SATB2: variants seen among roughly 807,000 people sequenced by gnomAD.
SATB2 encodes SATB homeobox 2, also known as DNA-binding protein SATB2.
SATB2 carries 1 observed loss-of-function variant against 73.4 expected under a neutral mutation model. That is an observed-to-expected ratio of 0.01 (90% CI 0.00 to 0.06). The LOEUF is 0.06. Among genes scored for constraint, SATB2 ranks in the 10% least tolerant of loss-of-function variants. The pLI is 1.00. For synonymous variants in SATB2, 397 were observed against 367.0 expected, an observed-to-expected ratio of 1.08 and a Z score of -0.93; for missense variants, 459 against 945.8, an observed-to-expected ratio of 0.49 and a Z score of 6.75.
chr2:199,414,035 T>G (rs1001357803), intron 3 of SATB2, among the ~76,000 whole-genome samples: 1 of 152,188 alleles, frequency 6.6e-6, no homozygotes, highest in Admixed American at 6.5e-5. Context: ...TCAAACCCTT[T>G]CAGTGGTGGT....
rs1553496383 is a variant in SATB2, at chr2:199,381,729, G to T, written c.438C>A (p.Val146=). 1 of 1,614,094 alleles carries T rather than the reference G, an allele frequency of 6.2e-7. No individual in the cohort carries two copies. Among genetic ancestry groups the T allele is most frequent in the Non-Finnish European group, 8.5e-7 (1 of 1,179,938 alleles). The change falls in exon 4 of 11, where the codon GTC becomes GTA. Residue 146 remains valine (V), a synonymous_variant. Coordinates refer to ENST00000417098, the MANE Select transcript of SATB2 (RefSeq NM_001172509.2). ...GGATTTTCAACGTCACAACATGATA[G>T]ACATCTTGTAGCATGTCGGCCACTG... The part of the protein sequence containing the change: ...DATVADMLQD[V]YHVVTLKIQL...
At chr2:199,312,496 G>A (rs1008002301) in intron 9 of SATB2, among the ~76,000 whole-genome samples, 1 of 152,174 alleles carries the variant, frequency 6.6e-6, no homozygotes, top group Non-Finnish European at 1.5e-5. Context: ...GGATCTCTAA[G>A]ACCTAACTGC....
intron 7 of SATB2, among the ~76,000 whole-genome samples, chr2:199,343,912 A>G (rs778284072): frequency 5.9e-5 from 9 of 152,192 alleles, no homozygotes; most frequent in Non-Finnish European, 1.0e-4. Context: ...TTGGCACTTG[A>G]AAGATGGCAA....
At chr2:199,343,113 T>TACAC (rs60947005) in intron 7 of SATB2, among the ~76,000 whole-genome samples, 11 of 151,232 alleles carry the variant, frequency 7.3e-5, no homozygotes, top group African/African-American at 2.7e-4. Flanking sequence ...TTTTATTTTA[T>TACAC]ACACACACAC....
intron 5 of SATB2, among the ~76,000 whole-genome samples, chr2:199,374,524 T>TCA (rs1444393773): frequency 6.6e-6 from 1 of 152,210 alleles, no homozygotes; most frequent in Admixed American, 6.5e-5. Context: ...TTAATGCTAC[T>TCA]CAGTTGTAAG....
In SATB2 at chr2:199,438,313, T is replaced by C. The variant is rs562078389; in HGVS notation, c.170-4799A>G. ...TGCCTAATAACAATATATAATTTTT[T>C]CTCACACAGGATACATTTATCACAA... On this transcript the variant is annotated intron_variant, in intron 2 of 10. Transcript: ENST00000417098. Among the ~76,000 whole-genome samples, 409 of 152,318 alleles carry C rather than the reference T, an allele frequency of 2.7e-3. 1 individual carries two copies. The highest frequency in any genetic ancestry group is 4.3e-3 in the Non-Finnish European group (293 of 68,034).
intron 10 of SATB2, among the ~76,000 whole-genome samples, chr2:199,305,346 G>A (rs1687400094): frequency 6.6e-6 from 1 of 151,994 alleles, no homozygotes; most frequent in South Asian, 2.1e-4. Flanking sequence ...GGGGCCGATA[G>A]GGGGGTAAAA....
intron 3 of SATB2, among the ~76,000 whole-genome samples, chr2:199,430,933 T>C (rs1019566067): frequency 6.6e-6 from 1 of 152,194 alleles, no homozygotes; most frequent in African/African-American, 2.4e-5. Flanking sequence ...ATTTTTAAGA[T>C]GGCTAAAGCA....
At chr2:199,366,944 G>A (rs184392738) in intron 6 of SATB2, among the ~76,000 whole-genome samples, 4 of 151,928 alleles carry the variant, frequency 2.6e-5, no homozygotes, top group Admixed American at 2.6e-4. Flanking sequence ...ACATTCTGTA[G>A]TGGCAATTCT....
intron 7 of SATB2, among the ~76,000 whole-genome samples, chr2:199,330,593 C>A (rs916217678): frequency 6.6e-6 from 1 of 152,120 alleles, no homozygotes; most frequent in Non-Finnish European, 1.5e-5. Context: ...TTAGAAGCAA[C>A]GAGTGAGACA....
chr2:199,449,570 A>G (rs945875815), intron 2 of SATB2, among the ~76,000 whole-genome samples: 4 of 152,212 alleles, frequency 2.6e-5, no homozygotes, highest in East Asian at 1.9e-4. Flanking sequence ...AACGGAAAAT[A>G]GCATACTATA....
At chr2:199,280,796 AT>A (rs1426280614) in intron 10 of SATB2, among the ~76,000 whole-genome samples, 2 of 152,128 alleles carry the variant, frequency 1.3e-5, no homozygotes, top group Non-Finnish European at 2.9e-5. Flanking sequence ...TTCATTAGCA[AT>A]TTTAATTTCG....
rs551025727 is a variant in SATB2, at chr2:199,308,856, G to C, written c.1644C>G (p.Pro548=). ...LCTIRRFLNL[P]QHERDVIYEE... ...CATAGATGACATCCCTCTCATGCTG[G>C]GGAAGGTTCAGGAAGCGACGGATGG... Residue 548 remains proline, a synonymous_variant, in exon 10 of 11, where the codon CCC becomes CCG. Coordinates refer to ENST00000417098, the MANE Select transcript of SATB2 (RefSeq NM_001172509.2). This position sits in a 1 kb window ranked among gnomAD's most constrained non-coding sequence, Gnocchi z 4.6. The C allele has an allele frequency of 6.2e-7, 1 of 1,614,106 alleles. No individual in the cohort carries two copies. Among genetic ancestry groups the C allele is most frequent in the Admixed American group, 1.7e-5 (1 of 60,008 alleles).
chr2:199,387,977 T>C (rs986515924), intron 3 of SATB2, among the ~76,000 whole-genome samples: 1 of 152,228 alleles, frequency 6.6e-6, no homozygotes, highest in African/African-American at 2.4e-5. Context: ...GGTATTTATC[T>C]CAAAGAAAAC....
At chr2:199,356,912 C>G (rs2105835166) in intron 6 of SATB2, among the ~76,000 whole-genome samples, 1 of 152,268 alleles carries the variant, frequency 6.6e-6, no homozygotes, top group Non-Finnish European at 1.5e-5. Flanking sequence ...TATCGTTTAA[C>G]TCTCACAACA....
intron 3 of SATB2, among the ~76,000 whole-genome samples, chr2:199,432,513 T>C (rs1029680607): frequency 6.6e-6 from 1 of 152,200 alleles, no homozygotes; most frequent in African/African-American, 2.4e-5. Flanking sequence ...GACACTAACA[T>C]ATAAACTAAG....
chr2:199,338,050 C>G (rs1484657268), intron 7 of SATB2, among the ~76,000 whole-genome samples: 2 of 152,022 alleles, frequency 1.3e-5, no homozygotes, highest in African/African-American at 4.8e-5. Flanking sequence ...AATAATACAA[C>G]AATGGACTTT....
At chr2:199,312,613 G>T (rs74671032) in intron 9 of SATB2, among the ~76,000 whole-genome samples, 1 of 152,134 alleles carries the variant, frequency 6.6e-6, no homozygotes, top group African/African-American at 2.4e-5. Flanking sequence ...ACAAAAGATG[G>T]TCTCTAAGTT....
chr2:199,326,567 C>T (rs1446368788), intron 8 of SATB2, among the ~76,000 whole-genome samples: 1 of 151,988 alleles, frequency 6.6e-6, no homozygotes, highest in Non-Finnish European at 1.5e-5. Flanking sequence ...AATACACAGA[C>T]CTGTGTTAAT....
Sources: gnomAD v4.1 joint callset for allele counts (sites outside exome capture counted in the v4.1 genomes callset) on GRCh38, gnomAD v4.1.1 for gene constraint, Gnocchi (gnomAD v3.1) non-coding constraint, MANE v1.5 for transcripts, NCBI Gene and HGNC (gene_info 2026-07-23, HGNC 2026-07-21) for gene names.